IQCK: variants seen among roughly 807,000 people sequenced by gnomAD.
The protein encoded by IQCK is IQ motif containing K, also known as IQ domain-containing protein K.
A neutral mutation model predicts 28.1 loss-of-function variants in IQCK; 29 were observed. The ratio of observed to expected loss-of-function variants is 1.03; its 90% CI spans 0.77 to 1.41. The LOEUF (loss-of-function observed/expected upper bound fraction) is 1.41, where lower values mean the gene tolerates loss of function less well. Ranked by LOEUF, IQCK falls within the 40% of genes most tolerant of loss-of-function variation. IQCK has a pLI of 0.00. For missense variants in IQCK, 359 were observed against 314.7 expected, an observed-to-expected ratio of 1.14 and a Z score of -1.07; for synonymous variants, 113 against 115.1, an observed-to-expected ratio of 0.98 and a Z score of 0.12.
At chr16:19,754,811 G>C (rs1029584661) in intron 4 of IQCK, among the ~76,000 whole-genome samples, 1 of 151,996 alleles carries the variant, frequency 6.6e-6, no homozygotes, top group Admixed American at 6.6e-5. Context: ...AATACCATCA[G>C]CTTTTGTTCG....
chr16:19,822,067 C>CAAAAAAAAAAAAAAA (rs35060834), intron 7 of IQCK, among the ~76,000 whole-genome samples: 1 of 64,610 alleles, frequency 1.5e-5, no homozygotes, highest in Admixed American at 1.9e-4. Flanking sequence ...GACCCTGTCT[C>CAAAAAAAAAAAAAAA]AAAAAAAAAA....
At chr16:19,740,966 TAA>T (rs59584575) in intron 4 of IQCK, among the ~76,000 whole-genome samples, 7,088 of 129,064 alleles carry the variant, frequency 0.055, 581 homozygotes, top group African/African-American at 0.19. Flanking sequence ...AGACTCCATC[TAA>T]AAAAAAAAAA....
intron 9 of IQCK, among the ~76,000 whole-genome samples, chr16:19,840,093 C>A (rs1449653865): frequency 2.6e-5 from 4 of 151,902 alleles, no homozygotes; most frequent in Admixed American, 6.6e-5. Context: ...GGATAAAGAC[C>A]GCCTGTAATC....
intron 6 of IQCK, among the ~76,000 whole-genome samples, chr16:19,772,341 T>C (rs1399577923): frequency 6.6e-6 from 1 of 152,172 alleles, no homozygotes; most frequent in East Asian, 1.9e-4. Flanking sequence ...CAAGACAGTT[T>C]GTTTTTAAAG....
At chr16:19,828,974 ATAAT>A (rs1288218501), downstream of IQCK, among the ~76,000 whole-genome samples, 1 of 144,120 alleles carries the variant, frequency 6.9e-6, no homozygotes, top group Non-Finnish European at 1.5e-5. Context: ...ATATAAATAT[ATAAT>A]TATATATATA....
In IQCK at chr16:19,724,338, C is replaced by A. The variant is rs141462540; in HGVS notation, c.181+5851C>A. 6.0e-3 allele frequency among the ~76,000 whole-genome samples: 917 copies of A among 152,230 alleles called. 4 individuals are homozygous for A. The highest frequency in any genetic ancestry group is 0.019 in the African/African-American group (802 of 41,536). ...TCACTTATCATAACCCCTGGTTTATCATTCATCCCCTCTCTGGAACATAAG... is the reference window on the plus strand; with the variant it reads ...TCACTTATCATAACCCCTGGTTTATAATTCATCCCCTCTCTGGAACATAAG... On this transcript the variant is annotated intron_variant, in intron 1 of 7. Transcript: ENST00000564186.
exon 10 of IQCK, chr16:19,856,601 G>A: frequency 7.0e-7 from 1 of 1,430,992 alleles, no homozygotes; most frequent in Admixed American, 1.7e-5. Flanking sequence ...CTTGTGCAAG[G>A]AAAATGTCCA....
chr16:19,857,506 A>C (rs2056576784), exon 10 of IQCK: 2 of 417,102 alleles, frequency 4.8e-6, no homozygotes, highest in Non-Finnish European at 9.2e-6. Flanking sequence ...AACACACATT[A>C]ATGCATTTAA....
intron 9 of IQCK, among the ~76,000 whole-genome samples, chr16:19,844,956 A>T (rs1197584860): frequency 6.6e-6 from 1 of 152,212 alleles, no homozygotes; most frequent in East Asian, 1.9e-4. Flanking sequence ...CTACAGGCAC[A>T]CGTCACCATG....
At chr16:19,764,989 G>A (rs2055208854) in intron 6 of IQCK, among the ~76,000 whole-genome samples, 1 of 140,820 alleles carries the variant, frequency 7.1e-6, no homozygotes, top group Non-Finnish European at 1.5e-5. Context: ...GTGAGCCACC[G>A]TGCCCGGCGG....
At chr16:19,730,762 CT>C (rs57726181) in intron 2 of IQCK, among the ~76,000 whole-genome samples, 50,928 of 151,342 alleles carry the variant, frequency 0.34, 13,241 homozygotes, top group African/African-American at 0.74. Flanking sequence ...TCTATCTTAT[CT>C]TATCTATCTA....
intron 6 of IQCK, among the ~76,000 whole-genome samples, chr16:19,785,664 T>C (rs1454204011): frequency 2.0e-5 from 3 of 152,160 alleles, no homozygotes; most frequent in Non-Finnish European, 4.4e-5. Flanking sequence ...CTTCAGCCTC[T>C]GGTTGGCTGC....
intron 4 of IQCK, among the ~76,000 whole-genome samples, chr16:19,740,456 CA>C (rs1374227995): frequency 1.3e-5 from 2 of 152,044 alleles, no homozygotes; most frequent in Non-Finnish European, 2.9e-5. Flanking sequence ...CTGGCCACAC[CA>C]TTGTCAGATG....
At chr16:19,831,494 G>A (rs1440994194), downstream of IQCK, among the ~76,000 whole-genome samples, 1 of 151,948 alleles carries the variant, frequency 6.6e-6, no homozygotes, top group Non-Finnish European at 1.5e-5. Flanking sequence ...TAGTGTGGGG[G>A]GTTACAAAAT....
rs947394192 is a variant in IQCK, at chr16:19,841,576, T to A, written c.802+14439T>A. On this transcript the variant is annotated intron_variant, in intron 9 of 9. Coordinates refer to the IQCK transcript ENST00000320394. Reference sequence around the variant, plus strand: ...TAGATGCAGAATGAAATTAACACTCTCCCTGAAAACCCAACTGAGAGACAA... The same window carrying A: ...TAGATGCAGAATGAAATTAACACTCACCCTGAAAACCCAACTGAGAGACAA... Among the ~76,000 whole-genome samples the A allele has an allele frequency of 2.0e-5, 3 of 152,236 alleles. No homozygotes were observed. In the East Asian group the frequency reaches 5.8e-4, roughly 29 times the overall value.
intron 9 of IQCK, among the ~76,000 whole-genome samples, chr16:19,850,093 A>G (rs1218490477): frequency 6.6e-6 from 1 of 152,226 alleles, no homozygotes; most frequent in African/African-American, 2.4e-5. Flanking sequence ...GTTGTCAGAT[A>G]CTTAATCATT....
At chr16:19,748,916 A>G (rs1338689816) in intron 4 of IQCK, among the ~76,000 whole-genome samples, 4 of 152,222 alleles carry the variant, frequency 2.6e-5, no homozygotes, top group Non-Finnish European at 5.9e-5. Context: ...AAACAAAACA[A>G]AAAACCAGCC....
intron 6 of IQCK, among the ~76,000 whole-genome samples, chr16:19,783,372 C>G (rs980915678): frequency 1.3e-5 from 2 of 152,072 alleles, no homozygotes; most frequent in African/African-American, 2.4e-5. Context: ...ATGAGTATTA[C>G]TAGTATAACA....
intron 1 of IQCK, among the ~76,000 whole-genome samples, chr16:19,729,939 C>A (rs1047129334): frequency 6.6e-6 from 1 of 151,738 alleles, no homozygotes; most frequent in Non-Finnish European, 1.5e-5. Context: ...CCACCACGCC[C>A]GGCCTATTTT....
Sources: allele counts gnomAD v4.1 joint callset (sites outside exome capture counted in the v4.1 genomes callset), GRCh38; gene constraint gnomAD v4.1.1; transcripts MANE v1.5; gene names NCBI Gene and HGNC (gene_info 2026-07-23, HGNC 2026-07-21).